The following DLG2 variants were observed in gnomAD, a reference collection of about 807,000 sequenced individuals.
The protein encoded by DLG2 is discs large MAGUK scaffold protein 2.
A neutral mutation model predicts 132.5 loss-of-function variants in DLG2; 45 were observed. The observed-to-expected ratio is 0.34, with a 90% CI of 0.27 to 0.44. DLG2 has a LOEUF of 0.44. Among genes scored for constraint, DLG2 ranks in the 20% least tolerant of loss-of-function variants. DLG2 has a pLI of 1.00. For missense variants in DLG2, 1,045 were observed against 1,196.9 expected, an observed-to-expected ratio of 0.87 and a Z score of 1.87; for synonymous variants, 424 against 419.6, an observed-to-expected ratio of 1.01 and a Z score of -0.13.
intron 18 of DLG2, among the ~76,000 whole-genome samples, chr11:83,769,125 T>C (rs912360260): frequency 6.6e-6 from 1 of 152,368 alleles, no homozygotes; most frequent in East Asian, 1.9e-4. Context: ...TTGTGATTTT[T>C]TTCTGAATCC....
intron 19 of DLG2, among the ~76,000 whole-genome samples, chr11:83,596,083 T>C (rs1388911048): frequency 6.6e-6 from 1 of 152,134 alleles, no homozygotes; most frequent in East Asian, 1.9e-4. Context: ...TAAAATTAGC[T>C]CAAACAATAT....
At chr11:85,542,360 G>A (rs896947070) in intron 3 of DLG2, among the ~76,000 whole-genome samples, 1 of 152,144 alleles carries the variant, frequency 6.6e-6, no homozygotes, top group Non-Finnish European at 1.5e-5. Context: ...TACAAACTGA[G>A]TGGCAAACAA....
chr11:83,494,386 T>C (rs950182894), intron 21 of DLG2, among the ~76,000 whole-genome samples: 1 of 150,550 alleles, frequency 6.6e-6, no homozygotes, highest in Non-Finnish European at 1.5e-5. Context: ...TCCACCACCA[T>C]CCCAGGATGC....
intron 11 of DLG2, among the ~76,000 whole-genome samples, chr11:84,040,019 T>C (rs2096014341): frequency 6.6e-6 from 1 of 151,514 alleles, no homozygotes; most frequent in Admixed American, 6.6e-5. Context: ...AAATGTCTTC[T>C]TTTGAGAAGT....
intron 6 of DLG2, among the ~76,000 whole-genome samples, chr11:84,647,853 A>G (rs1041150659): frequency 2.0e-5 from 3 of 152,198 alleles, no homozygotes; most frequent in Non-Finnish European, 4.4e-5. Flanking sequence ...TGCAGAAAAT[A>G]CTACATGCAC....
At chr11:84,119,154 A>C (rs2154199607) in intron 9 of DLG2, among the ~76,000 whole-genome samples, 1 of 152,322 alleles carries the variant, frequency 6.6e-6, no homozygotes, top group African/African-American at 2.4e-5. Flanking sequence ...TCAGAAAAAA[A>C]AAAAATTAAA....
chr11:85,600,782 G>A (rs997983004), intron 2 of DLG2, among the ~76,000 whole-genome samples: 1 of 152,168 alleles, frequency 6.6e-6, no homozygotes, highest in East Asian at 1.9e-4. Context: ...AATAATTTTT[G>A]AATAGTGGAC....
chr11:83,640,897 G>A (rs2066317680), intron 18 of DLG2, among the ~76,000 whole-genome samples: 1 of 152,110 alleles, frequency 6.6e-6, no homozygotes, highest in South Asian at 2.1e-4. Flanking sequence ...AGCAACTTGG[G>A]GTTCAAAGCA....
At chr11:85,182,094 T>C (rs746778873) in intron 4 of DLG2, among the ~76,000 whole-genome samples, 1 of 151,996 alleles carries the variant, frequency 6.6e-6, no homozygotes, top group Non-Finnish European at 1.5e-5. Flanking sequence ...TTAGATGTGA[T>C]GGAATTAATG....
chr11:84,977,625 C>G (rs1296658623), intron 6 of DLG2, among the ~76,000 whole-genome samples: 1 of 152,084 alleles, frequency 6.6e-6, no homozygotes, highest in Non-Finnish European at 1.5e-5. Flanking sequence ...CAAACGCTAC[C>G]CTTTTCTCAT....
intron 6 of DLG2, among the ~76,000 whole-genome samples, chr11:84,877,664 A>T (rs990380302): frequency 6.6e-6 from 1 of 151,932 alleles, no homozygotes; most frequent in Non-Finnish European, 1.5e-5. Context: ...TTGCCAGTCC[A>T]TGTCTTTTAA....
intron 6 of DLG2, among the ~76,000 whole-genome samples, chr11:84,910,762 AAACAACAACAACAAC>A (rs59825403): frequency 1.5e-4 from 21 of 141,296 alleles, no homozygotes; most frequent in African/African-American, 3.7e-4. Flanking sequence ...AAGGAAGAAA[AAACAACAACAACAAC>A]AACAACAACA....
chr11:83,873,144 T>C (rs943424781), intron 16 of DLG2, among the ~76,000 whole-genome samples: 3 of 152,202 alleles, frequency 2.0e-5, no homozygotes, highest in Admixed American at 6.5e-5. Flanking sequence ...AGCCACACAG[T>C]GGAGTCAAGC....
chr11:84,251,973 A>C (rs1037266564), intron 7 of DLG2, among the ~76,000 whole-genome samples: 2 of 151,982 alleles, frequency 1.3e-5, no homozygotes, highest in Non-Finnish European at 2.9e-5. Flanking sequence ...TTGCTAAAGG[A>C]ATTTGATTTC....
At chr11:84,061,177 T>C (rs1434584448) in intron 10 of DLG2, among the ~76,000 whole-genome samples, 3 of 152,206 alleles carry the variant, frequency 2.0e-5, no homozygotes, top group Non-Finnish European at 4.4e-5. Context: ...TTTGTAACCA[T>C]AGTTAATTTC....
At chr11:84,046,621 T>C (rs1384909069) in intron 11 of DLG2, among the ~76,000 whole-genome samples, 1 of 151,644 alleles carries the variant, frequency 6.6e-6, no homozygotes, top group East Asian at 1.9e-4. Context: ...GTGTCATTTT[T>C]ACTCTTCTTT....
chr11:85,137,762 C>A (rs115758763), intron 5 of DLG2, among the ~76,000 whole-genome samples: 1,765 of 152,172 alleles, frequency 0.012, 42 homozygotes, highest in African/African-American at 0.041. Flanking sequence ...CTATCTGTTC[C>A]CCATATACCC....
intron 11 of DLG2, among the ~76,000 whole-genome samples, chr11:84,038,562 T>C (rs571259349): frequency 6.6e-5 from 10 of 152,170 alleles, no homozygotes; most frequent in Admixed American, 1.3e-4. Flanking sequence ...CTAAAAGGTA[T>C]AAAGAACAAA....
intron 15 of DLG2, among the ~76,000 whole-genome samples, chr11:83,880,543 G>A (rs932572232): frequency 6.6e-6 from 1 of 152,046 alleles, no homozygotes; most frequent in African/African-American, 2.4e-5. Flanking sequence ...CCAGGGTATA[G>A]GAAGAGTTGT....
Sources: allele counts gnomAD v4.1 joint callset (sites outside exome capture counted in the v4.1 genomes callset), GRCh38; gene constraint gnomAD v4.1.1; transcripts MANE v1.5; gene names NCBI Gene and HGNC (gene_info 2026-07-23, HGNC 2026-07-21).